PER3: variants seen among roughly 807,000 people sequenced by gnomAD.
PER3 encodes period circadian regulator 3, also known as period circadian protein homolog 3.
In PER3, 107 loss-of-function variants were observed where a neutral mutation model predicts 127.2. That is an observed-to-expected ratio of 0.84 (90% CI 0.72 to 0.99). The LOEUF (loss-of-function observed/expected upper bound fraction) is 0.99. Among genes scored for constraint, PER3 ranks in the 50% least tolerant of loss-of-function variants. PER3 has a pLI of 0.00. For synonymous variants in PER3, 618 were observed against 585.8 expected (o/e 1.05, Z -0.79); for missense variants, 1,560 against 1,525.8 (o/e 1.02, Z -0.37).
intron 13 of PER3, among the ~76,000 whole-genome samples, chr1:7,813,129 CAG>C (rs923901256): frequency 2.0e-5 from 3 of 152,140 alleles, no homozygotes; most frequent in Non-Finnish European, 4.4e-5. Flanking sequence ...CAAGGAATAA[CAG>C]GGATATGTAA....
At chr1:7,818,380 G>T (rs1455974451) in intron 13 of PER3, among the ~76,000 whole-genome samples, 1 of 152,130 alleles carries the variant, frequency 6.6e-6, no homozygotes, top group Non-Finnish European at 1.5e-5. Context: ...TCCATAATAT[G>T]CTCTGAAAAT....
At position 7,844,559 on chromosome 1, in the gene PER3, T is replaced by C. The variant is rs1313151317; in HGVS notation, c.*1804T>C. On this transcript the variant is annotated 3_prime_UTR_variant, in exon 22 of 22. Transcript: ENST00000377532. ...CACTCATATATGCTAAGCCTTCTGTTCTCTAATAGAAGCCTTTCTTTTCCA... is the reference window on the plus strand; with the variant it reads ...CACTCATATATGCTAAGCCTTCTGTCCTCTAATAGAAGCCTTTCTTTTCCA... 1 of 152,814 alleles carries C rather than the reference T, an allele frequency of 6.5e-6. No homozygotes were observed. The highest frequency in any genetic ancestry group is 1.5e-5 in the Non-Finnish European group (1 of 68,062). The allele number at this position is 152,814 out of a possible 1,614,324, so 9.5% of individuals were successfully genotyped here. A position where few individuals can be genotyped will look rare whatever the true frequency, so the allele number is the denominator to read the frequency against.
chr1:7,805,273 A>G (rs1008411907), intron 10 of PER3, among the ~76,000 whole-genome samples: 1 of 152,172 alleles, frequency 6.6e-6, no homozygotes, highest in African/African-American at 2.4e-5. Flanking sequence ...CTCCAGTATC[A>G]TGCTGAGATC....
chr1:7,841,094 TA>T (rs547733746), intron 21 of PER3, among the ~76,000 whole-genome samples: 21 of 152,264 alleles, frequency 1.4e-4, no homozygotes, highest in African/African-American at 5.1e-4. Flanking sequence ...ACACATAAAG[TA>T]TACTAACACT....
At chr1:7,842,485 G>A (rs972951782) in intron 21 of PER3, 187 bp from the exon 22 acceptor site, 76 of 308,344 alleles carry the variant, frequency 2.5e-4, no homozygotes, top group African/African-American at 1.4e-3. Flanking sequence ...GGGTGACACC[G>A]CAAGACTCTG....
At position 7,803,515 on chromosome 1, in the gene PER3, G is replaced by A. The variant is rs771094989; in HGVS notation, c.980-177G>A. 3.4e-4 allele frequency among the ~76,000 whole-genome samples: 51 copies of A among 151,998 alleles called. 1 individual carries two copies. Among genetic ancestry groups the A allele is most frequent in the Middle Eastern group, 3.4e-3 (1 of 294 alleles). On this transcript the variant is annotated intron_variant, in intron 9 of 21. Coordinates refer to ENST00000377532, the MANE Select transcript of PER3 (RefSeq NM_001377275.1). Reference sequence around the variant, plus strand: ...AGGCACAAGAACTGCTTGAACCTGGGAGGCGGAAGTTGCAGTGAGCCAATA... The same window carrying A: ...AGGCACAAGAACTGCTTGAACCTGGAAGGCGGAAGTTGCAGTGAGCCAATA...
Position 7,829,869 on chromosome 1 carries a change from T to C in PER3, c.2922T>C (p.Ser974=). 6.2e-7 allele frequency: 1 copy of C among 1,614,194 alleles called. No individual in the cohort carries two copies. The highest frequency in any genetic ancestry group is 2.2e-5 in the East Asian group (1 of 44,890). ...CVTGNNGSES[S]PATTGALSTG... is the part of the protein sequence containing the mutation. Reference sequence around the variant, plus strand: ...CAGGCAACAATGGCAGTGAGAGCAGTCCTGCTACTACCGGTGCACTGTCCA... The same window carrying C: ...CAGGCAACAATGGCAGTGAGAGCAGCCCTGCTACTACCGGTGCACTGTCCA... The change falls in exon 19 of 22, where the codon AGT becomes AGC. Residue 974 remains serine, a synonymous_variant. Transcript: ENST00000377532.
At chr1:7,792,402 CAAGAT>C (rs1340421214) in intron 5 of PER3, among the ~76,000 whole-genome samples, 1 of 152,180 alleles carries the variant, frequency 6.6e-6, no homozygotes, top group African/African-American at 2.4e-5. Flanking sequence ...AACTACAATT[CAAGAT>C]GAGATTTGGG....
At chr1:7,795,579 A>G (rs2097141719) in intron 6 of PER3, among the ~76,000 whole-genome samples, 1 of 152,204 alleles carries the variant, frequency 6.6e-6, no homozygotes, top group Non-Finnish European at 1.5e-5. Flanking sequence ...CAGCAGGCGC[A>G]GAGGCCCTGG....
At chr1:7,832,789 A>G (rs889795582) in intron 19 of PER3, among the ~76,000 whole-genome samples, 4 of 151,254 alleles carry the variant, frequency 2.6e-5, no homozygotes, top group African/African-American at 4.9e-5. Flanking sequence ...TTCCCCCCCA[A>G]TATAAACATT....
intron 4 of PER3, 24 bp downstream of exon 4, chr1:7,786,860 T>C: frequency 7.2e-7 from 1 of 1,379,816 alleles, no homozygotes. Context: ...CATTTTGCCA[T>C]ATCAACCTGG....
chr1:7,818,259 A>G (rs1313873109), intron 13 of PER3, among the ~76,000 whole-genome samples: 1 of 152,224 alleles, frequency 6.6e-6, no homozygotes, highest in Admixed American at 6.5e-5. Context: ...AAGCTGGGTG[A>G]TGGGCATATA....
chr1:7,798,372 A>G (rs1218210424), intron 6 of PER3, among the ~76,000 whole-genome samples, 153 bp from the exon 7 acceptor site: 2 of 152,238 alleles, frequency 1.3e-5, no homozygotes, highest in Admixed American at 6.5e-5. Flanking sequence ...TTAAGCTAAC[A>G]TATTCTTTCT....
In PER3 at chr1:7,842,912, A is replaced by G. The variant is rs531029133; in HGVS notation, c.*157A>G. On this transcript the variant is annotated 3_prime_UTR_variant, in exon 22 of 22. Transcript: ENST00000377532. The stretch of plus-strand genomic sequence containing the variant: ...TACACGTAATCTTTTTGAAGCAGAC[A>G]TTGTATACAGAATCTTACTTCTCTT... 8.1e-6 allele frequency: 4 copies of G among 494,348 alleles called. No homozygotes were observed. The highest frequency in any genetic ancestry group is 4.5e-4 in the Middle Eastern group (1 of 2,216). 30.6% of individuals were successfully genotyped at this position (494,348 alleles called of 1,614,324 possible).
intron 13 of PER3, among the ~76,000 whole-genome samples, chr1:7,818,862 T>G (rs2097263332): frequency 6.6e-6 from 1 of 152,250 alleles, no homozygotes; most frequent in African/African-American, 2.4e-5. Context: ...GGAGATGCTG[T>G]GTACTTCACA....
Position 7,837,073 on chromosome 1 carries a change from A to G in PER3, c.3473A>G (p.His1158Arg), listed in dbSNP as rs10462021. 294,033 of 1,613,086 alleles carry G rather than the reference A, an allele frequency of 0.18. 28,349 individuals carry two copies. The highest frequency in any genetic ancestry group is 0.19 in the Non-Finnish European group (228,153 of 1,179,298). ...AGGCAGCAGCAGCCCCAGTTTTCTC[A>G]TGGGCAAAAGGAGGAGCTGGCTAAG... ...SMRQQQPQFSHGQKEELAKVY... is the reference protein window; with the variant it reads ...SMRQQQPQFSRGQKEELAKVY... Residue 1158 changes from histidine to arginine, a missense_variant, in exon 21 of 22, where the codon CAT (histidine) becomes CGT (arginine). Physicochemically the swap from His to Arg is conservative, Grantham distance 29. Coordinates refer to ENST00000377532, the MANE Select transcript of PER3 (RefSeq NM_001377275.1).
At chr1:7,792,114 A>G (rs1194384691) in intron 5 of PER3, among the ~76,000 whole-genome samples, 5 of 152,238 alleles carry the variant, frequency 3.3e-5, no homozygotes, top group Non-Finnish European at 5.9e-5. Flanking sequence ...TAATAAAGAC[A>G]TACCCAAGAC....
At chr1:7,813,159 G>A (rs567848785) in intron 13 of PER3, among the ~76,000 whole-genome samples, 1 of 152,184 alleles carries the variant, frequency 6.6e-6, no homozygotes, top group Non-Finnish European at 1.5e-5. Context: ...TCAGCTACAT[G>A]TACAGAGGCC....
At chr1:7,822,746 A>C (rs552592492) in intron 16 of PER3, among the ~76,000 whole-genome samples, 6 of 152,296 alleles carry the variant, frequency 3.9e-5, no homozygotes, top group African/African-American at 1.4e-4. Context: ...CATAAAATTG[A>C]CTCAACACTT....
Sources: allele counts gnomAD v4.1 joint callset (sites outside exome capture counted in the v4.1 genomes callset), GRCh38; gene constraint gnomAD v4.1.1; transcripts MANE v1.5; gene names NCBI Gene and HGNC (gene_info 2026-07-23, HGNC 2026-07-21).